Variants in CFHR4 observed in about 807,000 individuals in gnomAD.
CFHR4 encodes the protein complement factor H-related protein 4.
Under a neutral mutation model 69.3 loss-of-function variants are expected in CFHR4, and 64 were observed. The observed-to-expected ratio is 0.92, with a 90% CI of 0.76 to 1.14. The LOEUF (loss-of-function observed/expected upper bound fraction) is 1.14, where lower values mean the gene tolerates loss of function less well. CFHR4 is among the 50% of genes most tolerant of loss of function. The probability of loss-of-function intolerance (pLI) is 0.00; values close to 1 mark genes in which losing one functional copy is unlikely to be tolerated. For synonymous variants in CFHR4, 244 were observed against 237.0 expected (o/e 1.03, Z -0.27); for missense variants, 636 against 684.9 (o/e 0.93, Z 0.80).
At chr1:196,908,509 A>T (rs566415945) in intron 5 of CFHR4, among the ~76,000 whole-genome samples, 1 of 151,240 alleles carries the variant, frequency 6.6e-6, no homozygotes, top group East Asian at 1.9e-4. Context: ...TTTCACCTTC[A>T]TCTCCTCTCC....
chr1:196,908,813 C>T lies in CFHR4; in HGVS notation c.799+1315C>T, dbSNP rs143398634. ...ACGAGTTTTCCAAATGCTCAAGTTC[C>T]TAAGTACAGGATGATACAAGCAGTT... On this transcript the variant is annotated intron_variant, in intron 5 of 9. Coordinates refer to ENST00000608469, the MANE Select transcript of CFHR4 (RefSeq NM_001201550.3). 1.7e-3 allele frequency among the ~76,000 whole-genome samples: 258 copies of T among 151,602 alleles called. 8 individuals carry two copies. Among genetic ancestry groups the T allele is most frequent in the African/African-American group, 5.9e-3 (243 of 41,186 alleles).
At chr1:196,907,071 G>T (rs879619527) in intron 4 of CFHR4, 34 bp downstream of exon 4, 2 of 1,552,478 alleles carry the variant, frequency 1.3e-6, no homozygotes, top group Non-Finnish European at 1.8e-6. Context: ...CTTTTTACTA[G>T]AATTAAACAA....
At chr1:196,907,185 A>C in intron 4 of CFHR4, 131 bp from the exon 5 acceptor site, 1 of 1,206,378 alleles carries the variant, frequency 8.3e-7, no homozygotes, top group Non-Finnish European at 1.2e-6. Context: ...AACTTAAAAA[A>C]AAAGGTTGAA....
chr1:196,912,056 T>C lies in CFHR4; in HGVS notation c.998-684T>C, dbSNP rs532879360. On this transcript the variant is annotated intron_variant, in intron 6 of 9. Coordinates refer to ENST00000608469, the MANE Select transcript of CFHR4 (RefSeq NM_001201550.3). ...TATACATTACTAATATCTTAAAACA[T>C]ATACATTACTAAAATAATTACTACC... 1.6e-3 allele frequency among the ~76,000 whole-genome samples: 240 copies of C among 151,498 alleles called. 6 individuals carry two copies. Among genetic ancestry groups the C allele is most frequent in the African/African-American group, 5.4e-3 (222 of 41,120 alleles).
intron 1 of CFHR4, among the ~76,000 whole-genome samples, chr1:196,889,484 A>T (rs1000116391): frequency 6.6e-6 from 1 of 151,624 alleles, no homozygotes; most frequent in Non-Finnish European, 1.5e-5. Context: ...ACTTTCTCAA[A>T]AGCAGTATAA....
rs1255910967 is a variant in CFHR4, at chr1:196,912,230, C to T, written c.998-510C>T. 2.0e-4 allele frequency among the ~76,000 whole-genome samples: 31 copies of T among 151,226 alleles called. 1 individual carries two copies. Among genetic ancestry groups the T allele is most frequent in the Admixed American group, 1.9e-3 (29 of 15,156 alleles). On this transcript the variant is annotated intron_variant, in intron 6 of 9. Coordinates refer to ENST00000608469, the MANE Select transcript of CFHR4 (RefSeq NM_001201550.3). ...ATTTCCACATGCCTCTCAAACACCACGTCTATATGGGTTTAAGCACCCACT... is the reference window on the plus strand; with the variant it reads ...ATTTCCACATGCCTCTCAAACACCATGTCTATATGGGTTTAAGCACCCACT...
chr1:196,900,346 A>G (rs1657537943), intron 1 of CFHR4, among the ~76,000 whole-genome samples: 1 of 146,590 alleles, frequency 6.8e-6, no homozygotes, highest in South Asian at 2.1e-4. Context: ...GCTTTAGAGA[A>G]CTACCATATG....
intron 6 of CFHR4, among the ~76,000 whole-genome samples, chr1:196,911,334 G>T (rs967063482): frequency 4.0e-5 from 6 of 151,568 alleles, no homozygotes; most frequent in African/African-American, 1.5e-4. Flanking sequence ...AAAATAAATA[G>T]ACTACGGATT....
chr1:196,906,410 G>C (rs1657909020), intron 3 of CFHR4, among the ~76,000 whole-genome samples: 1 of 151,398 alleles, frequency 6.6e-6, no homozygotes. Context: ...AATAAAAGAT[G>C]CTTTAAAATT....
intron 7 of CFHR4, 74 bp from the exon 8 acceptor site, chr1:196,914,421 A>G (rs1658456968): frequency 2.0e-6 from 3 of 1,480,332 alleles, no homozygotes; most frequent in Non-Finnish European, 2.7e-6. Flanking sequence ...TTTTATCCCT[A>G]CAATGGGACT....
intron 1 of CFHR4, among the ~76,000 whole-genome samples, chr1:196,892,047 A>G (rs1187021285): frequency 1.3e-5 from 2 of 151,554 alleles, no homozygotes; most frequent in Non-Finnish European, 1.5e-5. Context: ...CCAAAAAACA[A>G]TTATTGCTAA....
At chr1:196,905,082 T>A (rs1261908357) in intron 2 of CFHR4, 26 bp from the exon 3 acceptor site, 1 of 1,556,956 alleles carries the variant, frequency 6.4e-7, no homozygotes, top group South Asian at 1.2e-5. Flanking sequence ...AAATATTTAC[T>A]TTTTTCTCTA....
Position 196,918,014 on chromosome 1 carries a change from G to A in CFHR4, c.1541-196G>A, listed in dbSNP as rs144850108. ...ATCACCTCACCTGATGATCTCTGCT[G>A]TGACGTTGGGGAAGTGCAACTGAAC... is the stretch of plus-strand genomic sequence containing the variant. On this transcript the variant is annotated intron_variant, in intron 9 of 9. Coordinates refer to ENST00000608469, the MANE Select transcript of CFHR4 (RefSeq NM_001201550.3). Among the ~76,000 whole-genome samples, 493 of 151,738 alleles carry A rather than the reference G, an allele frequency of 3.2e-3. 13 individuals are homozygous for A. Among genetic ancestry groups the A allele is most frequent in the African/African-American group, 0.011 (460 of 41,184 alleles).
rs1369912846 is a variant in CFHR4 at position 196,914,660 on chromosome 1, C to T, written c.1346C>T (p.Pro449Leu). ...VCGEDGWSHF[P>L]TCYNSSEKCG... ...GGTGAAGATGGGTGGTCCCATTTCCCAACATGTTATAGTAAGTATTTTATT... is the reference window on the plus strand; with the variant it reads ...GGTGAAGATGGGTGGTCCCATTTCCTAACATGTTATAGTAAGTATTTTATT... Residue 449 changes from proline (P) to leucine (L), a missense_variant, in exon 8 of 10, where the codon CCA becomes CTA. Transcript: ENST00000608469. The T allele has an allele frequency of 2.7e-5, 44 of 1,601,076 alleles. No homozygotes were observed. Among genetic ancestry groups the T allele is most frequent in the Non-Finnish European group, 3.4e-5 (40 of 1,176,016 alleles).
At chr1:196,917,907 T>C (rs1240840186) in intron 9 of CFHR4, among the ~76,000 whole-genome samples, 1 of 151,642 alleles carries the variant, frequency 6.6e-6, no homozygotes, top group Non-Finnish European at 1.5e-5. Flanking sequence ...TCCTTTTTGA[T>C]ATGAAGTCAC....
intron 1 of CFHR4, among the ~76,000 whole-genome samples, chr1:196,888,756 A>G (rs1205990495): frequency 6.6e-6 from 1 of 151,512 alleles, no homozygotes; most frequent in East Asian, 1.9e-4. Context: ...CAATATGTAA[A>G]TCACAACATA....
At chr1:196,891,788 T>TATATACATATACATATATAA (rs1657054115) in intron 1 of CFHR4, among the ~76,000 whole-genome samples, 3 of 151,280 alleles carry the variant, frequency 2.0e-5, no homozygotes, top group African/African-American at 7.3e-5. Flanking sequence ...GTTCTCTTTG[T>TATATACATATACATATATAA]ATATACATAT....
chr1:196,906,400 A>C (rs1229420703), intron 3 of CFHR4, among the ~76,000 whole-genome samples: 1 of 151,570 alleles, frequency 6.6e-6, no homozygotes, highest in Non-Finnish European at 1.5e-5. Flanking sequence ...AGATTTGTAA[A>C]ATAAAAGATG....
intron 1 of CFHR4, among the ~76,000 whole-genome samples, chr1:196,893,063 C>T (rs1241330270): frequency 6.6e-6 from 1 of 151,604 alleles, no homozygotes; most frequent in African/African-American, 2.4e-5. Context: ...AATTAATCTC[C>T]ACTGCGTGGT....
Sources: allele counts gnomAD v4.1 joint callset (sites outside exome capture counted in the v4.1 genomes callset), GRCh38; gene constraint gnomAD v4.1.1; transcripts MANE v1.5; gene names NCBI Gene and HGNC (gene_info 2026-07-23, HGNC 2026-07-21).